The following PVT1 variants were observed in gnomAD, a reference collection of about 807,000 sequenced individuals.
PVT1 encodes the protein CXCR4/PVT1 fusion.
chr8:128,025,116 G>A lies in PVT1; in HGVS notation n.912+35825G>A, dbSNP rs185748733. On this transcript the variant is annotated intron_variant and non_coding_transcript_variant, in intron 4 of 10. Coordinates refer to ENST00000651587, the Ensembl canonical transcript of PVT1. Reference sequence around the variant, plus strand: ...GCCTGCCAGCTCAGAGGGTGGGAGCGGTGCCAGGGAGCTGTTTGGGCTGGC... The same window carrying A: ...GCCTGCCAGCTCAGAGGGTGGGAGCAGTGCCAGGGAGCTGTTTGGGCTGGC... 3.8e-3 allele frequency among the ~76,000 whole-genome samples: 586 copies of A among 152,332 alleles called. 3 individuals are homozygous for A. The highest frequency in any genetic ancestry group is 0.013 in the African/African-American group (555 of 41,576).
chr8:127,803,552 G>A (rs1814493423), intron 2 of PVT1: 1 of 152,192 alleles, frequency 6.6e-6, no homozygotes, highest in Non-Finnish European at 1.5e-5. Flanking sequence ...GTGGATTTAA[G>A]GAGGAAGGTA....
intron 4 of PVT1, among the ~76,000 whole-genome samples, chr8:128,027,482 A>G (rs941714688): frequency 1.3e-5 from 2 of 152,168 alleles, no homozygotes; most frequent in African/African-American, 4.8e-5. Flanking sequence ...TGCCTGGCCA[A>G]CACTTACTGA....
At chr8:127,882,117 AC>A (rs1815474750) in intron 2 of PVT1, among the ~76,000 whole-genome samples, 1 of 152,172 alleles carries the variant, frequency 6.6e-6, no homozygotes, top group South Asian at 2.1e-4. Flanking sequence ...CACGGTTGTG[AC>A]CACAGCATGA....
chr8:127,972,302 C>T (rs1209154951), intron 3 of PVT1, among the ~76,000 whole-genome samples: 1 of 152,236 alleles, frequency 6.6e-6, no homozygotes, highest in African/African-American at 2.4e-5. Context: ...CAGAAAGTCA[C>T]TGGGCTGAGC....
intron 3 of PVT1, among the ~76,000 whole-genome samples, chr8:127,899,757 C>G (rs1013932651): frequency 6.6e-6 from 1 of 152,196 alleles, no homozygotes; most frequent in Non-Finnish European, 1.5e-5. Flanking sequence ...ACCTCATGAT[C>G]TGGTGGTCCG....
intron 5 of PVT1, among the ~76,000 whole-genome samples, chr8:128,095,560 A>T (rs1305593302): frequency 6.6e-6 from 1 of 152,198 alleles, no homozygotes; most frequent in Admixed American, 6.5e-5. Context: ...ATAAAGTTTT[A>T]TTGGAACACA....
chr8:128,045,318 C>T (rs1270484041), intron 4 of PVT1, among the ~76,000 whole-genome samples: 1 of 152,194 alleles, frequency 6.6e-6, no homozygotes, highest in Non-Finnish European at 1.5e-5. Flanking sequence ...ACATTTCTCT[C>T]TCCTAAACTT....
At chr8:127,949,914 G>C (rs1279604326) in intron 3 of PVT1, among the ~76,000 whole-genome samples, 1 of 152,252 alleles carries the variant, frequency 6.6e-6, no homozygotes, top group Non-Finnish European at 1.5e-5. Context: ...GCTGGATTCT[G>C]ACTCGCTGTG....
chr8:128,028,368 C>T (rs140865880), intron 4 of PVT1, among the ~76,000 whole-genome samples: 274 of 152,366 alleles, frequency 1.8e-3, no homozygotes, highest in African/African-American at 6.3e-3. Context: ...GCTGTTCCCA[C>T]AGCCCAGAGT....
intron 4 of PVT1, among the ~76,000 whole-genome samples, chr8:128,011,295 C>G (rs1817312364): frequency 1.3e-5 from 2 of 152,106 alleles, no homozygotes; most frequent in Admixed American, 1.3e-4. Context: ...GAACTGTTTT[C>G]CTTCTTCCAA....
intron 4 of PVT1, among the ~76,000 whole-genome samples, chr8:128,031,858 G>A (rs368909353): frequency 5.9e-5 from 9 of 152,166 alleles, no homozygotes; most frequent in Non-Finnish European, 7.3e-5. Context: ...ACAATCCGGC[G>A]TTTGAACCCG....
intron 4 of PVT1, among the ~76,000 whole-genome samples, chr8:128,026,309 T>C (rs917959031): frequency 8.2e-5 from 12 of 146,850 alleles, no homozygotes; most frequent in African/African-American, 3.3e-4. Flanking sequence ...TTTATTTTTT[T>C]ATTTGTATTT....
At chr8:127,813,240 A>ATAATATATACAAAT (rs373417899) in intron 2 of PVT1, among the ~76,000 whole-genome samples, 1 of 59,658 alleles carries the variant, frequency 1.7e-5, no homozygotes, top group Admixed American at 1.7e-4. Context: ...ACAAATATAT[A>ATAATATATACAAAT]ATATACAAAT....
rs376377417 is a variant in PVT1, at chr8:127,891,031, A to C, written n.782+33A>C. 19 of 152,626 alleles carry C rather than the reference A, an allele frequency of 1.2e-4. No homozygotes were observed. The East Asian group carries it at 2.1e-3, about 17-fold the overall frequency. The allele number at this position is 152,626 out of a possible 1,614,324, so 9.5% of individuals were successfully genotyped here. On this transcript the variant is annotated intron_variant and non_coding_transcript_variant, in intron 3 of 10. Coordinates refer to ENST00000651587, the Ensembl canonical transcript of PVT1. The stretch of plus-strand genomic sequence containing the variant: ...TGTCCTGGCTGGTCACGGAGGGTTC[A>C]CTGGGATGTGGCTGGTGTTCTCAAC...
intron 2 of PVT1, among the ~76,000 whole-genome samples, chr8:127,804,561 G>A (rs1189404466): frequency 5.2e-5 from 6 of 115,564 alleles, no homozygotes; most frequent in Non-Finnish European, 8.5e-5. Context: ...TTTTTTTTGA[G>A]ACAGCATCTC....
chr8:127,889,039 T>TTCCTTCCTTCCTTCCTTC (rs1563631167), intron 2 of PVT1, among the ~76,000 whole-genome samples: 46 of 82,576 alleles, frequency 5.6e-4, no homozygotes, highest in East Asian at 1.1e-3. Flanking sequence ...TCTCTTTCTT[T>TTCCTTCCTTCCTTCCTTC]CTTCCTTCCT....
intron 2 of PVT1, among the ~76,000 whole-genome samples, chr8:127,873,284 T>C (rs1815371949): frequency 6.6e-6 from 1 of 152,108 alleles, no homozygotes; most frequent in South Asian, 2.1e-4. Context: ...CTCTTTTACT[T>C]GCTGGGTAAG....
chr8:127,807,363 C>T (rs1051277621), intron 2 of PVT1, among the ~76,000 whole-genome samples: 2 of 152,150 alleles, frequency 1.3e-5, no homozygotes, highest in African/African-American at 2.4e-5. Flanking sequence ...GACAGAATCT[C>T]ACTCTGTCAA....
intron 3 of PVT1, among the ~76,000 whole-genome samples, chr8:127,943,734 A>G (rs575961549): frequency 6.6e-6 from 1 of 152,316 alleles, no homozygotes; most frequent in South Asian, 2.1e-4. Context: ...CCACTAATCT[A>G]GAGACCACCT....
Sources: gnomAD v4.1 joint callset for allele counts (sites outside exome capture counted in the v4.1 genomes callset) on GRCh38, gnomAD v4.1.1 for gene constraint, MANE v1.5 for transcripts, NCBI Gene and HGNC (gene_info 2026-07-23, HGNC 2026-07-21) for gene names.